The following MSRA variants were observed in gnomAD, a reference collection of about 807,000 sequenced individuals.
The protein encoded by MSRA is methionine sulfoxide reductase A, also known as mitochondrial peptide methionine sulfoxide reductase.
MSRA carries 54 observed loss-of-function variants against 31.3 expected under a neutral mutation model. The ratio of observed to expected loss-of-function variants is 1.73; its 90% CI spans 1.39 to 2.17. The LOEUF (loss-of-function observed/expected upper bound fraction) is 2.17, where lower values mean the gene tolerates loss of function less well. Among genes scored for constraint, MSRA ranks in the 30% most tolerant of loss-of-function variants. The pLI, the probability that MSRA is intolerant of heterozygous loss-of-function variation, is 0.00. For synonymous variants in MSRA, 169 were observed against 116.5 expected, an observed-to-expected ratio of 1.45 and a Z score of -2.90; for missense variants, 507 against 300.9, an observed-to-expected ratio of 1.69 and a Z score of -5.07.
chr8:10,143,235 C>G (rs1802855598), intron 1 of MSRA, among the ~76,000 whole-genome samples: 1 of 152,128 alleles, frequency 6.6e-6, no homozygotes, highest in Non-Finnish European at 1.5e-5. Context: ...GTACTTATCC[C>G]TCACATCACC....
intron 1 of MSRA, among the ~76,000 whole-genome samples, chr8:10,186,391 G>A (rs1456860503): frequency 6.6e-6 from 1 of 152,136 alleles, no homozygotes; most frequent in African/African-American, 2.4e-5. Flanking sequence ...GAGTGTGGCT[G>A]TGTTCCCATT....
chr8:10,257,310 C>T (rs1338938600), intron 3 of MSRA, among the ~76,000 whole-genome samples: 3 of 152,182 alleles, frequency 2.0e-5, no homozygotes, highest in Non-Finnish European at 4.4e-5. Flanking sequence ...TACCCTTACC[C>T]CCGGAACATT....
intron 3 of MSRA, among the ~76,000 whole-genome samples, chr8:10,290,240 G>C (rs1800158997): frequency 6.6e-6 from 1 of 152,186 alleles, no homozygotes; most frequent in Non-Finnish European, 1.5e-5. Flanking sequence ...TGGACTGTGA[G>C]TAGGAGGAGG....
At chr8:10,098,243 C>T (rs766678563) in intron 1 of MSRA, among the ~76,000 whole-genome samples, 1 of 152,080 alleles carries the variant, frequency 6.6e-6, no homozygotes, top group South Asian at 2.1e-4. Flanking sequence ...AACCCTATCT[C>T]ACCTCATAAT....
intron 5 of MSRA, among the ~76,000 whole-genome samples, chr8:10,393,870 A>G (rs1345959692): frequency 6.6e-6 from 1 of 152,218 alleles, no homozygotes; most frequent in Non-Finnish European, 1.5e-5. Flanking sequence ...GGCTTTGTGC[A>G]TGTACATGCA....
intron 1 of MSRA, among the ~76,000 whole-genome samples, chr8:10,139,512 C>G (rs1039950023): frequency 2.0e-5 from 3 of 152,158 alleles, no homozygotes; most frequent in African/African-American, 7.2e-5. Flanking sequence ...AATTTCTCAT[C>G]CCTCATCCTG....
In MSRA at chr8:10,395,619, C is replaced by A. The variant is rs565151243; in HGVS notation, c.544-32529C>A. Among the ~76,000 whole-genome samples, 5 of 152,308 alleles carry A rather than the reference C, an allele frequency of 3.3e-5. No homozygotes were observed. The South Asian group carries it at 8.3e-4, about 25-fold the overall frequency. ...CCAGGCAGCATCATGAATGAGTCAT[C>A]TCAGCTTGGCATGCGAACAGTTTTT... On this transcript the variant is annotated intron_variant, in intron 5 of 5. Coordinates refer to ENST00000317173, the MANE Select transcript of MSRA (RefSeq NM_012331.5).
At chr8:10,338,721 C>G (rs1803219580) in intron 5 of MSRA, among the ~76,000 whole-genome samples, 1 of 152,166 alleles carries the variant, frequency 6.6e-6, no homozygotes, top group Non-Finnish European at 1.5e-5. Flanking sequence ...TAGAAATTCT[C>G]CAAGAAGTGC....
At chr8:10,184,386 G>A (rs1049773087) in intron 1 of MSRA, among the ~76,000 whole-genome samples, 1 of 151,874 alleles carries the variant, frequency 6.6e-6, no homozygotes, top group Non-Finnish European at 1.5e-5. Context: ...GAAAGAATCA[G>A]TTTCCTGCCT....
intron 1 of MSRA, among the ~76,000 whole-genome samples, chr8:10,160,299 T>C (rs1179330164): frequency 1.3e-5 from 2 of 151,934 alleles, no homozygotes; most frequent in African/African-American, 4.8e-5. Flanking sequence ...TCAAAGACCA[T>C]CCTGGCTAAC....
chr8:10,333,237 T>A (rs1235972951), intron 5 of MSRA, among the ~76,000 whole-genome samples: 1 of 152,230 alleles, frequency 6.6e-6, no homozygotes, highest in Non-Finnish European at 1.5e-5. Flanking sequence ...GTTTAGTGGC[T>A]CCCATATGTG....
At chr8:10,423,180 C>G (rs1190317790) in intron 5 of MSRA, among the ~76,000 whole-genome samples, 2 of 152,210 alleles carry the variant, frequency 1.3e-5, no homozygotes, top group Non-Finnish European at 2.9e-5. Flanking sequence ...TGCGCATTAC[C>G]TGGGTCCCCA....
At position 10,085,713 on chromosome 8, in the gene MSRA, C is replaced by G. The variant is rs183909967; in HGVS notation, c.142+31055C>G. On this transcript the variant is annotated intron_variant, in intron 1 of 5. Coordinates refer to ENST00000317173, the MANE Select transcript of MSRA (RefSeq NM_012331.5). ...CTGTCCAGTTTTAGAACACTGTCAT[C>G]ACCCCCAAAAGTTGTCTCCTGCCTC... Among the ~76,000 whole-genome samples, 6 of 152,314 alleles carry G rather than the reference C, an allele frequency of 3.9e-5. No individual in the cohort carries two copies. The East Asian group carries it at 1.2e-3, about 29-fold the overall frequency.
In MSRA at chr8:10,054,389, GCGCC is replaced by G. The variant is rs1007084876; in HGVS notation, c.-116_-113del. ...CCTCCAGCCCCGCCAGCAGCGCCCC[GCGCC>G]CGCCCGCCCGCGCCCCTGCCGCCCC... is the stretch of plus-strand genomic sequence containing the variant. On this transcript the variant is annotated 5_prime_UTR_variant, in exon 1 of 6. Coordinates refer to ENST00000317173, the MANE Select transcript of MSRA (RefSeq NM_012331.5). The G allele has an allele frequency of 2.0e-4, 138 of 699,532 alleles. No individual in the cohort carries two copies. The highest frequency in any genetic ancestry group is 3.6e-4 in the African/African-American group (19 of 52,642). The allele number at this position is 699,532 out of a possible 1,614,324, so 43.3% of individuals were successfully genotyped here.
chr8:10,092,752 G>T (rs1033743790), intron 1 of MSRA, among the ~76,000 whole-genome samples: 20 of 152,218 alleles, frequency 1.3e-4, no homozygotes, highest in African/African-American at 4.6e-4. Flanking sequence ...CTGATCTTTT[G>T]TCTAGTTGTT....
intron 5 of MSRA, among the ~76,000 whole-genome samples, chr8:10,378,802 T>G (rs147934709): frequency 0.014 from 2,094 of 152,342 alleles, 23 homozygotes; most frequent in South Asian, 0.041. Flanking sequence ...TAAAAATCCC[T>G]GCAAGTGTTC....
intron 3 of MSRA, among the ~76,000 whole-genome samples, chr8:10,261,826 G>A (rs1798501372): frequency 6.6e-6 from 1 of 152,138 alleles, no homozygotes; most frequent in Admixed American, 6.5e-5. Flanking sequence ...ATGCAGAATA[G>A]TTCACTCCCT....
At chr8:10,147,221 G>A (rs1470694443) in intron 1 of MSRA, among the ~76,000 whole-genome samples, 2 of 152,164 alleles carry the variant, frequency 1.3e-5, no homozygotes, top group African/African-American at 2.4e-5. Flanking sequence ...AGGCCTGGAG[G>A]ATGTGACATG....
chr8:10,340,059 G>C (rs1300246972), intron 5 of MSRA, among the ~76,000 whole-genome samples: 1 of 152,158 alleles, frequency 6.6e-6, no homozygotes, highest in Non-Finnish European at 1.5e-5. Context: ...GGCCCGTGTG[G>C]TATGAGAATA....
Sources: allele counts gnomAD v4.1 joint callset (sites outside exome capture counted in the v4.1 genomes callset), GRCh38; gene constraint gnomAD v4.1.1; transcripts MANE v1.5; gene names NCBI Gene and HGNC (gene_info 2026-07-23, HGNC 2026-07-21).